The following NCKAP5 variants were observed in gnomAD, a reference collection of about 807,000 sequenced individuals.
NCKAP5 encodes the protein nck-associated protein 5.
Under a neutral mutation model 167.0 loss-of-function variants are expected in NCKAP5, and 92 were observed. The observed-to-expected ratio is 0.55, with a 90% CI of 0.47 to 0.66. NCKAP5 has a LOEUF of 0.66. Among genes scored for constraint, NCKAP5 ranks in the 30% least tolerant of loss-of-function variants. NCKAP5 has a pLI of 0.00. For missense variants in NCKAP5, 2,378 were observed against 2,315.0 expected (o/e 1.03, Z -0.56); for synonymous variants, 891 against 877.4 (o/e 1.02, Z -0.27).
At chr2:133,561,881 T>C (rs1419774329) in intron 1 of NCKAP5, among the ~76,000 whole-genome samples, 1 of 152,084 alleles carries the variant, frequency 6.6e-6, no homozygotes, top group East Asian at 1.9e-4. Flanking sequence ...TAAGTAAATA[T>C]TAAAAATGAG....
chr2:133,532,716 C>A (rs183123423), intron 2 of NCKAP5, among the ~76,000 whole-genome samples: 20 of 152,234 alleles, frequency 1.3e-4, no homozygotes, highest in Admixed American at 7.9e-4. Flanking sequence ...TTATTGCCTG[C>A]CTGCCACCCA....
At chr2:133,320,855 A>C (rs1418486312) in intron 3 of NCKAP5, among the ~76,000 whole-genome samples, 2 of 152,204 alleles carry the variant, frequency 1.3e-5, no homozygotes, top group Non-Finnish European at 1.5e-5. Flanking sequence ...ACGCTGGAGA[A>C]GTCCTGAGCA....
intron 3 of NCKAP5, among the ~76,000 whole-genome samples, chr2:133,426,876 CAA>C (rs963661756): frequency 2.0e-5 from 3 of 152,038 alleles, no homozygotes; most frequent in African/African-American, 2.4e-5. Context: ...TAAAACCACA[CAA>C]AAGTCTATTT....
intron 4 of NCKAP5, among the ~76,000 whole-genome samples, chr2:133,245,632 A>AT (rs1422303561): frequency 2.0e-5 from 3 of 151,576 alleles, no homozygotes; most frequent in Admixed American, 6.6e-5. Flanking sequence ...ACCTCAATAA[A>AT]TTTTTTTTTA....
chr2:132,927,794 A>G (rs935766651), intron 8 of NCKAP5, among the ~76,000 whole-genome samples: 1 of 152,138 alleles, frequency 6.6e-6, no homozygotes, highest in African/African-American at 2.4e-5. Flanking sequence ...TTTTCTAGGC[A>G]TAAGATCATA....
chr2:133,611,071 A>G, the NCKAP5 span, among the ~76,000 whole-genome samples: 1 of 152,240 alleles, frequency 6.6e-6, no homozygotes, highest in Non-Finnish European at 1.5e-5. Context: ...CCTCCTACCC[A>G]GAGAAGTGAC....
chr2:133,305,313 A>G (rs1680701280), intron 3 of NCKAP5, among the ~76,000 whole-genome samples: 2 of 152,184 alleles, frequency 1.3e-5, no homozygotes, highest in Admixed American at 6.5e-5. Flanking sequence ...CTTACTAGCT[A>G]TGTTCCCCTG....
chr2:132,978,884 G>A lies in NCKAP5; in HGVS notation c.430-15015C>T, dbSNP rs111822696. 7.6e-3 allele frequency among the ~76,000 whole-genome samples: 1,158 copies of A among 152,280 alleles called. 19 individuals are homozygous for A. The highest frequency in any genetic ancestry group is 0.026 in the African/African-American group (1,092 of 41,564). On this transcript the variant is annotated intron_variant, in intron 7 of 19. Transcript: ENST00000409261. ...CTGTAAGGATGCTGCCTGGTTCTCC[G>A]TGTCTCTTTCAACCCAGCAAACTTA...
At chr2:133,208,255 C>T (rs1250885918) in intron 5 of NCKAP5, among the ~76,000 whole-genome samples, 1 of 152,110 alleles carries the variant, frequency 6.6e-6, no homozygotes, top group Non-Finnish European at 1.5e-5. Context: ...GGTAGAAACT[C>T]TTGAGCCCGG....
At chr2:133,648,472 A>T in the NCKAP5 span, among the ~76,000 whole-genome samples, 6 of 152,164 alleles carry the variant, frequency 3.9e-5, no homozygotes, top group Non-Finnish European at 8.8e-5. Flanking sequence ...TCAAGTGCAT[A>T]TGGATATTTC....
intron 3 of NCKAP5, among the ~76,000 whole-genome samples, chr2:133,491,694 T>C (rs1365912834): frequency 1.6e-4 from 25 of 152,138 alleles, no homozygotes; most frequent in Admixed American, 1.5e-3. Context: ...CGTGAAGGAA[T>C]AGCCAGCTTT....
chr2:132,674,982 TG>T (rs1684244944), intron 19 of NCKAP5, among the ~76,000 whole-genome samples: 1 of 152,204 alleles, frequency 6.6e-6, no homozygotes, highest in Non-Finnish European at 1.5e-5. Context: ...TTCAACACCA[TG>T]CCAATTTGCC....
chr2:133,504,204 T>C (rs963631636), intron 3 of NCKAP5, among the ~76,000 whole-genome samples: 7 of 151,170 alleles, frequency 4.6e-5, no homozygotes, highest in African/African-American at 7.3e-5. Flanking sequence ...CTTGGTTATA[T>C]GAGGAATCTT....
chr2:133,368,506 A>C (rs1304682319), intron 3 of NCKAP5, among the ~76,000 whole-genome samples: 4 of 152,210 alleles, frequency 2.6e-5, no homozygotes, highest in Non-Finnish European at 5.9e-5. Flanking sequence ...GAAAAATACA[A>C]TTATTAGCGG....
intron 3 of NCKAP5, among the ~76,000 whole-genome samples, chr2:133,449,363 A>T (rs1237195511): frequency 6.6e-6 from 1 of 152,196 alleles, no homozygotes; most frequent in Non-Finnish European, 1.5e-5. Flanking sequence ...ACCTTGGGCA[A>T]AAGCAACTGA....
At chr2:133,628,792 T>C in the NCKAP5 span, among the ~76,000 whole-genome samples, 11 of 152,172 alleles carry the variant, frequency 7.2e-5, no homozygotes, top group Admixed American at 6.5e-4. Flanking sequence ...AACAGACGCA[T>C]AGACCAATGG....
chr2:133,225,779 CTTTTTTTTTTTTTTTT>C (rs1003972708), intron 4 of NCKAP5, among the ~76,000 whole-genome samples: 1 of 39,732 alleles, frequency 2.5e-5, no homozygotes, highest in South Asian at 7.7e-4. Context: ...ATGCCCTGTT[CTTTTTTTTTTTTTTTT>C]TTTTTTTTTT....
At chr2:133,574,884 G>A in the NCKAP5 span, among the ~76,000 whole-genome samples, 1 of 152,140 alleles carries the variant, frequency 6.6e-6, no homozygotes, top group African/African-American at 2.4e-5. Flanking sequence ...CAGCTCAGGT[G>A]CAAAGAACAC....
At chr2:133,311,885 CT>C (rs1380436333) in intron 3 of NCKAP5, among the ~76,000 whole-genome samples, 1 of 152,164 alleles carries the variant, frequency 6.6e-6, no homozygotes, top group Non-Finnish European at 1.5e-5. Flanking sequence ...TTCTAAATTA[CT>C]TTTTACTCAT....
Sources: gnomAD v4.1 joint callset for allele counts (sites outside exome capture counted in the v4.1 genomes callset) on GRCh38, gnomAD v4.1.1 for gene constraint, MANE v1.5 for transcripts, NCBI Gene and HGNC (gene_info 2026-07-23, HGNC 2026-07-21) for gene names.